MCM3: variants seen among roughly 807,000 people sequenced by gnomAD.
MCM3 encodes minichromosome maintenance complex component 3.
A neutral mutation model predicts 91.3 loss-of-function variants in MCM3; 59 were observed. The ratio of observed to expected loss-of-function variants is 0.65; its 90% CI spans 0.52 to 0.80. The LOEUF is 0.80. MCM3 is among the 30% of genes least tolerant of loss of function. The pLI is 0.00. For synonymous variants in MCM3, 383 were observed against 379.6 expected (o/e 1.01, Z -0.10); for missense variants, 919 against 1,035.4 (o/e 0.89, Z 1.54).
rs770270758 is a variant in MCM3, at chr6:52,273,964, A to G, written c.1375-48T>C. ...AAGTGGACATGACATCAATAGGAAG[A>G]AAGAACAACAAGGCTGCTGCAGTTC... On this transcript the variant is annotated intron_variant, in intron 9 of 16. Transcript: ENST00000596288. 78 of 1,471,480 alleles carry G rather than the reference A, an allele frequency of 5.3e-5. No homozygotes were observed. The African/African-American group carries it at 1.0e-3, about 19-fold the overall frequency. The allele number at this position is 1,471,480 out of a possible 1,614,324, so 91.2% of individuals were successfully genotyped here.
intron 13 of MCM3, 65 bp from the exon 14 acceptor site, chr6:52,268,033 C>T (rs1417692781): frequency 1.6e-5 from 26 of 1,611,288 alleles, no homozygotes; most frequent in Non-Finnish European, 2.2e-5. Flanking sequence ...GCATCAAGAA[C>T]TCCCAGTCCC....
At chr6:52,280,081 A>G (rs1011770772) in intron 4 of MCM3, among the ~76,000 whole-genome samples, 1 of 152,246 alleles carries the variant, frequency 6.6e-6, no homozygotes, top group African/African-American at 2.4e-5. Context: ...TATACACAAC[A>G]TGGATAAATC....
intron 16 of MCM3, among the ~76,000 whole-genome samples, chr6:52,265,070 A>G (rs1764537395): frequency 6.6e-6 from 1 of 152,174 alleles, no homozygotes; most frequent in African/African-American, 2.4e-5. Context: ...CTAAACCCTT[A>G]AAAGCGTATA....
In MCM3 at chr6:52,269,142, C is replaced by A. The variant is rs369286818; in HGVS notation, c.1912G>T (p.Asp638Tyr). 2.5e-6 allele frequency: 4 copies of A among 1,614,136 alleles called. No individual in the cohort carries two copies. The South Asian group carries it at 4.4e-5, about 18-fold the overall frequency. The stretch of plus-strand genomic sequence containing the variant: ...ACAGCTTCCTCTGCATCCTGCAGGT[C>A]CACAGTCTTGCTCATGCGGGCCTTC... The part of the protein sequence containing the change: ...HAKARMSKTV[D>Y]LQDAEEAVEL... The change falls in exon 13 of 17, where the codon GAC (aspartate) becomes TAC (tyrosine). Residue 638 changes from aspartate (D) to tyrosine (Y), a missense_variant. This residue lies in a region of MCM3 where 285 missense variants were observed against 311.4 expected (regional missense o/e 0.92). Transcript: ENST00000596288.
intron 11 of MCM3, 106 bp from the exon 12 acceptor site, chr6:52,272,557 C>G: frequency 1.9e-5 from 23 of 1,223,630 alleles, no homozygotes; most frequent in Non-Finnish European, 2.6e-5. Flanking sequence ...AAGCCTAGAA[C>G]CCATTATCAT....
At chr6:52,275,228 C>T (rs1211207846) in intron 9 of MCM3, among the ~76,000 whole-genome samples, 2 of 152,192 alleles carry the variant, frequency 1.3e-5, no homozygotes, top group African/African-American at 4.8e-5. Flanking sequence ...AAAACACCAT[C>T]GCATCGCAAC....
intron 2 of MCM3, 129 bp from the exon 3 acceptor site, chr6:52,282,990 C>CT: frequency 1.5e-6 from 1 of 681,804 alleles, no homozygotes. Context: ...TCCTATAAGT[C>CT]TCAGTAAAAC....
intron 10 of MCM3, 124 bp downstream of exon 10, chr6:52,273,618 G>T: frequency 2.0e-6 from 2 of 1,021,132 alleles, no homozygotes; most frequent in Admixed American, 2.5e-5. Flanking sequence ...TGGCTAAACA[G>T]TTGAGGGCTC....
chr6:52,277,769 T>C (rs1765712841), intron 6 of MCM3, 81 bp from the exon 7 acceptor site: 7 of 1,330,440 alleles, frequency 5.3e-6, no homozygotes, highest in Admixed American at 4.1e-5. Context: ...CTTTGGCCTA[T>C]AGAAAATACT....
At chr6:52,266,223 T>A in intron 15 of MCM3, 79 bp from the exon 16 acceptor site, 1 of 1,056,930 alleles carries the variant, frequency 9.5e-7, no homozygotes, top group Non-Finnish European at 1.5e-6. Flanking sequence ...AGAAATCATC[T>A]CCACTCCCAA....
intron 6 of MCM3, among the ~76,000 whole-genome samples, chr6:52,278,254 G>C (rs1449131646): frequency 6.6e-6 from 1 of 152,082 alleles, no homozygotes; most frequent in Non-Finnish European, 1.5e-5. Flanking sequence ...AGGGAAAAAA[G>C]TATCCCCAGG....
rs772955487 is a variant in MCM3, at chr6:52,282,017, G to A, written c.531+28C>T. On this transcript the variant is annotated intron_variant, in intron 4 of 16. Coordinates refer to ENST00000596288, the MANE Select transcript of MCM3 (RefSeq NM_002388.6). The stretch of plus-strand genomic sequence containing the variant: ...AGGTATCTTTGATTCCAACCTCCAA[G>A]ACAGCTCAACTGATTTATCCCCCTT... The A allele has an allele frequency of 2.5e-6, 4 of 1,611,660 alleles. No homozygotes were observed. In the African/African-American group the frequency reaches 5.4e-5, roughly 22 times the overall value.
rs1336599763 is a variant in MCM3, at chr6:52,284,700, C to T, written c.-26G>A. 1 of 1,597,178 alleles carries T rather than the reference C, an allele frequency of 6.3e-7. No individual in the cohort carries two copies. Among genetic ancestry groups the T allele is most frequent in the Non-Finnish European group, 8.5e-7 (1 of 1,173,172 alleles). On this transcript the variant is annotated 5_prime_UTR_variant, in exon 1 of 17. In the 5' UTR this introduces an upstream ATG that the reference lacks. Transcript: ENST00000596288. ...GCCCGCTGCCAAAGAACTACCTCCA[C>T]CAAAGTCGCGTGGAGGTTCCCAGGA...
At position 52,282,740 on chromosome 6, in the gene MCM3, T is replaced by C. The variant is rs2307332; in HGVS notation, c.313A>G (p.Ser105Gly). The C allele has an allele frequency of 4.3e-6, 7 of 1,614,096 alleles. No individual in the cohort carries two copies. The highest frequency in any genetic ancestry group is 5.1e-6 in the Non-Finnish European group (6 of 1,180,036). Residue 105 changes from serine to glycine, a missense_variant, in exon 3 of 17, where the codon AGC becomes GGC. Physicochemically the swap from Ser to Gly is moderately conservative, Grantham distance 56. Transcript: ENST00000596288. ...GGGGAGACGTGCTTGGAGCCAAAGC[T>C]GCCTTCCAGTCCTACGTAGAACTCC... ...YEEFYVGLEG[S>G]FGSKHVSPRT...
Position 52,283,280 on chromosome 6 carries a change from C to T in MCM3, c.191+14G>A. The stretch of plus-strand genomic sequence containing the variant: ...CATTCTCACTGACAGCCAGTATATC[C>T]CCTTGCCTCTCACCGGTTAGCCCTC... On this transcript the variant is annotated intron_variant, in intron 2 of 16. Coordinates refer to ENST00000596288, the MANE Select transcript of MCM3 (RefSeq NM_002388.6). The T allele has an allele frequency of 6.2e-7, 1 of 1,605,388 alleles. No individual in the cohort carries two copies. The highest frequency in any genetic ancestry group is 8.5e-7 in the Non-Finnish European group (1 of 1,172,104).
Position 52,273,260 on chromosome 6 carries a change from T to C in MCM3, c.1646A>G (p.Asp549Gly). The part of the protein sequence containing the change: ...QQDTQIYEKH[D>G]NLLHGTKKKK... ...CTTCTTGGTCCCATGTAGAAGGTTG[T>C]CATGCTTCTCATAAATCTGGGTGTC... The change falls in exon 11 of 17, where the codon GAC becomes GGC. Residue 549 changes from aspartate to glycine, a missense_variant. Transcript: ENST00000596288. 1 of 1,614,240 alleles carries C rather than the reference T, an allele frequency of 6.2e-7. No individual in the cohort carries two copies. Among genetic ancestry groups the C allele is most frequent in the Non-Finnish European group, 8.5e-7 (1 of 1,180,036 alleles).
At position 52,278,752 on chromosome 6, in the gene MCM3, G is replaced by A; in HGVS notation, c.869C>T (p.Thr290Ile). ...DIAKIKKFSK[T>I]RSKDIFDQLA... ...AAAGGATGCCCAGACCTTGGATCGGGTTTTACTGAACTTCTTGATCTTGGC... is the reference window on the plus strand; with the variant it reads ...AAAGGATGCCCAGACCTTGGATCGGATTTTACTGAACTTCTTGATCTTGGC... The change falls in exon 6 of 17, where the codon ACC (threonine) becomes ATC (isoleucine). Residue 290 changes from threonine (T) to isoleucine (I), a missense_variant. Around this residue, in one of 3 missense-constraint regions of MCM3, gnomAD observed 401 missense variants for 402.7 expected, o/e 1.00. Coordinates refer to ENST00000596288, the MANE Select transcript of MCM3 (RefSeq NM_002388.6). The A allele has an allele frequency of 6.2e-7, 1 of 1,612,314 alleles. No homozygotes were observed. The highest frequency in any genetic ancestry group is 8.5e-7 in the Non-Finnish European group (1 of 1,178,754).
Position 52,264,703 on chromosome 6 carries a change from G to C in MCM3, c.2312C>G (p.Ser771Cys). Reference sequence around the variant, plus strand: ...GGGCTCTTCGCTGTCCCGGTTGATGGATTCTGTGAGGCGATTCATGCCGAT... The same window carrying C: ...GGGCTCTTCGCTGTCCCGGTTGATGCATTCTGTGAGGCGATTCATGCCGAT... ...QSIGMNRLTESINRDSEEPFS... is the reference protein window; with the variant it reads ...QSIGMNRLTECINRDSEEPFS... The change falls in exon 17 of 17, where the codon TCC (serine) becomes TGC (cysteine). Residue 771 changes from serine to cysteine, a missense_variant. Physicochemically the swap from Ser to Cys is moderately radical, Grantham distance 112. This residue lies in a region of MCM3 where 285 missense variants were observed against 311.4 expected (regional missense o/e 0.92). Coordinates refer to ENST00000596288, the MANE Select transcript of MCM3 (RefSeq NM_002388.6). 1 of 1,614,180 alleles carries C rather than the reference G, an allele frequency of 6.2e-7. No individual in the cohort carries two copies. The highest frequency in any genetic ancestry group is 1.1e-5 in the South Asian group (1 of 91,076).
At position 52,264,480 on chromosome 6, in the gene MCM3, G is replaced by GA; in HGVS notation, c.*107dup. The GA allele has an allele frequency of 8.2e-7, 1 of 1,218,134 alleles. No individual in the cohort carries two copies. The highest frequency in any genetic ancestry group is 1.2e-6 in the Non-Finnish European group (1 of 845,406). The allele number at this position is 1,218,134 out of a possible 1,614,324, so 75.5% of individuals were successfully genotyped here. A position where few individuals can be genotyped will look rare whatever the true frequency, so the allele number is the denominator to read the frequency against. On this transcript the variant is annotated 3_prime_UTR_variant, in exon 17 of 17. Coordinates refer to ENST00000596288, the MANE Select transcript of MCM3 (RefSeq NM_002388.6). ...TCACCAACATTCCTCGCCTTCAGTT[G>GA]AATTCAACACTGTTAAGGGAGTAGA... is the stretch of plus-strand genomic sequence containing the variant.
Sources: allele counts gnomAD v4.1 joint callset (sites outside exome capture counted in the v4.1 genomes callset), GRCh38; gene constraint gnomAD v4.1.1; regional missense constraint gnomAD v4.1.1; transcripts MANE v1.5; gene names NCBI Gene and HGNC (gene_info 2026-07-23, HGNC 2026-07-21).